Variants in PGBD2 observed in about 807,000 individuals in gnomAD.
The protein encoded by PGBD2 is piggyBac transposable element-derived protein 2.
PGBD2 carries 6 observed loss-of-function variants against 8.1 expected under a neutral mutation model. The ratio of observed to expected loss-of-function variants is 0.74; its 90% CI spans 0.40 to 1.46. The LOEUF (loss-of-function observed/expected upper bound fraction) is 1.46. Among genes scored for constraint, PGBD2 ranks in the 40% most tolerant of loss-of-function variants. PGBD2 has a pLI of 0.02. For synonymous variants in PGBD2, 318 were observed against 272.2 expected (o/e 1.17, Z -1.66); for missense variants, 802 against 739.0 (o/e 1.09, Z -0.99).
rs1661644689 is a variant in PGBD2, at chr1:248,906,544, C to CGAGGCCG, written c.-48+211_-48+217dup. On this transcript the variant is annotated intron_variant, in intron 1 of 2. Coordinates refer to ENST00000329291, the MANE Select transcript of PGBD2 (RefSeq NM_170725.3). ...GGCGCTCCTTCTGCGGGTTGGGGTG[C>CGAGGCCG]GAGGCCGGAGGCCGGGCCGGCTGAG... The CGAGGCCG allele has an allele frequency of 2.1e-5, 3 of 140,634 alleles. No individual in the cohort carries two copies. In the Admixed American group the frequency reaches 2.2e-4, roughly 10 times the overall value. 8.7% of individuals were successfully genotyped at this position (140,634 alleles called of 1,614,324 possible).
At position 248,917,409 on chromosome 1, in the gene PGBD2, CT is replaced by C; in HGVS notation, c.828del (p.Phe276LeufsTer51). The C allele has an allele frequency of 6.2e-7, 1 of 1,614,084 alleles. No homozygotes were observed. The highest frequency in any genetic ancestry group is 8.5e-7 in the Non-Finnish European group (1 of 1,180,008). On this transcript the variant is annotated frameshift_variant, in exon 3 of 3. Coordinates refer to ENST00000329291, the MANE Select transcript of PGBD2 (RefSeq NM_170725.3). LOFTEE classifies it low-confidence loss of function (END_TRUNC). ...GCTTTGGCGAGTCTATGTGTGAGTA[CT>C]TTGGGCACCGGGGGTCCAAGCAGCT... ...YSFGESMCEY[F>X]GHRGSKQLHR...
the PGBD2 span, among the ~76,000 whole-genome samples, chr1:248,896,811 G>A: frequency 1.3e-5 from 2 of 152,224 alleles, no homozygotes; most frequent in African/African-American, 2.4e-5. Flanking sequence ...AAGGTGGGGC[G>A]ACAGCCCACC....
At chr1:248,890,334 C>A in the PGBD2 span, among the ~76,000 whole-genome samples, 7 of 152,050 alleles carry the variant, frequency 4.6e-5, no homozygotes, top group Non-Finnish European at 7.4e-5. Context: ...GTCGAGCCAC[C>A]CTTCATCTTT....
Position 248,917,744 on chromosome 1 carries a change from C to T in PGBD2, c.1160C>T (p.Pro387Leu). The T allele has an allele frequency of 6.2e-7, 1 of 1,614,106 alleles. No individual in the cohort carries two copies. The highest frequency in any genetic ancestry group is 8.5e-7 in the Non-Finnish European group (1 of 1,180,032). The change falls in exon 3 of 3, where the codon CCC becomes CTC. Residue 387 changes from proline to leucine, a missense_variant. Physicochemically the swap from Pro to Leu is moderately conservative, Grantham distance 98. Coordinates refer to ENST00000329291, the MANE Select transcript of PGBD2 (RefSeq NM_170725.3). ...ACTGAGCGATGTCCCCTAAAAGACC[C>T]CAAAGAACTGAAAAAAATGAAGAGG... is the stretch of plus-strand genomic sequence containing the variant. ...YRTERCPLKD[P>L]KELKKMKRGS...
At chr1:248,920,656 C>G (rs1662265212), downstream of PGBD2, among the ~76,000 whole-genome samples, 1 of 151,982 alleles carries the variant, frequency 6.6e-6, no homozygotes, top group African/African-American at 2.4e-5. Context: ...TGGGTATATA[C>G]CCAGTAATGA....
intron 1 of PGBD2, among the ~76,000 whole-genome samples, chr1:248,907,315 C>T (rs1278125376): frequency 6.6e-6 from 1 of 152,242 alleles, no homozygotes; most frequent in Non-Finnish European, 1.5e-5. Flanking sequence ...CATGTCTTGC[C>T]TCCTGCCATA....
chr1:248,882,194 G>C, the PGBD2 span, among the ~76,000 whole-genome samples: 639 of 152,270 alleles, frequency 4.2e-3, 1 homozygote, highest in African/African-American at 0.014. Flanking sequence ...GTCCCACGGA[G>C]CCAAAAATGC....
chr1:248,912,051 GCTT>G (rs1661911764), intron 1 of PGBD2, among the ~76,000 whole-genome samples: 2 of 152,134 alleles, frequency 1.3e-5, no homozygotes, highest in Admixed American at 6.5e-5. Context: ...TGTCCAGGTG[GCTT>G]GCCAGCAGTC....
At chr1:248,929,634 C>T in the PGBD2 span, among the ~76,000 whole-genome samples, 1 of 152,208 alleles carries the variant, frequency 6.6e-6, no homozygotes, top group Non-Finnish European at 1.5e-5. Context: ...GCTGAGCACA[C>T]ACGCCTGCTT....
chr1:248,900,020 A>G, the PGBD2 span, among the ~76,000 whole-genome samples: 9 of 151,044 alleles, frequency 6.0e-5, no homozygotes, highest in African/African-American at 2.2e-4. Flanking sequence ...CCCTCCCAAG[A>G]CTGAACCAGG....
chr1:248,904,313 C>T (rs1487169260), upstream of PGBD2, among the ~76,000 whole-genome samples: 2 of 150,628 alleles, frequency 1.3e-5, no homozygotes, highest in Non-Finnish European at 3.0e-5. Context: ...TCATGCAGTT[C>T]TTCTGCCATT....
In PGBD2 at chr1:248,910,369, T is replaced by C. The variant is rs142244816; in HGVS notation, c.-47-3447T>C. Among the ~76,000 whole-genome samples the C allele has an allele frequency of 5.2e-3, 786 of 152,366 alleles. 4 individuals carry two copies. The highest frequency in any genetic ancestry group is 0.017 in the Middle Eastern group (5 of 294). On this transcript the variant is annotated intron_variant, in intron 1 of 2. Transcript: ENST00000329291. ...GTGAGGGGTTTTGAACCTGAAATTA[T>C]AGTTAACACTTGGGAATCCAGGCCT... is the stretch of plus-strand genomic sequence containing the variant.
In PGBD2 at chr1:248,918,165, C is replaced by T; in HGVS notation, c.1581C>T (p.Ser527=). ...RRYIACVYLE[S]NADTTSQGRR... ...ACATTGCCTGTGTGTATCTGGAGAG[C>T]AATGCTGACACAACATCTCAAGGGA... The change falls in exon 3 of 3, where the codon AGC becomes AGT. Residue 527 remains serine, a synonymous_variant. Transcript: ENST00000329291. 6.2e-7 allele frequency: 1 copy of T among 1,614,176 alleles called. No homozygotes were observed. The highest frequency in any genetic ancestry group is 1.1e-5 in the South Asian group (1 of 91,084).
the PGBD2 span, among the ~76,000 whole-genome samples, chr1:248,874,903 GAGATAGAT>G: frequency 0.3 from 42,929 of 145,182 alleles, 6,602 homozygotes; most frequent in Middle Eastern, 0.36. Context: ...TAGGTAGATA[GAGATAGAT>G]AGATAGATAG....
chr1:248,926,974 C>T, the PGBD2 span, among the ~76,000 whole-genome samples: 61 of 152,290 alleles, frequency 4.0e-4, no homozygotes, highest in Non-Finnish European at 5.6e-4. Context: ...GTCTCAGCCT[C>T]GTGGTTAGTG....
At chr1:248,879,651 C>T in the PGBD2 span, among the ~76,000 whole-genome samples, 1 of 152,156 alleles carries the variant, frequency 6.6e-6, no homozygotes, top group South Asian at 2.1e-4. Context: ...CTTCTCACTT[C>T]AGCCTCCTAA....
At chr1:248,898,057 G>A in the PGBD2 span, among the ~76,000 whole-genome samples, 1 of 152,196 alleles carries the variant, frequency 6.6e-6, no homozygotes, top group African/African-American at 2.4e-5. Flanking sequence ...ACTCCAGCCA[G>A]GGTTTAATGG....
At chr1:248,911,168 G>A (rs1005626059) in intron 1 of PGBD2, among the ~76,000 whole-genome samples, 6 of 151,612 alleles carry the variant, frequency 4.0e-5, no homozygotes, top group Non-Finnish European at 8.8e-5. Flanking sequence ...CTCGGAGAGG[G>A]GGATTTGGCA....
chr1:248,907,082 C>A (rs1199538651), intron 1 of PGBD2, among the ~76,000 whole-genome samples: 1 of 152,128 alleles, frequency 6.6e-6, no homozygotes, highest in East Asian at 1.9e-4. Flanking sequence ...CTCTGAGTTC[C>A]CTCAGTTTTT....
Sources: allele counts gnomAD v4.1 joint callset (sites outside exome capture counted in the v4.1 genomes callset), GRCh38; gene constraint gnomAD v4.1.1; transcripts MANE v1.5; gene names NCBI Gene and HGNC (gene_info 2026-07-23, HGNC 2026-07-21).